GLRA2: variants seen among roughly 807,000 people sequenced by gnomAD.
GLRA2 encodes glycine receptor subunit alpha-2.
A neutral mutation model predicts 31.6 loss-of-function variants in GLRA2; 11 were observed. That is an observed-to-expected ratio of 0.35 (90% CI 0.22 to 0.58). The LOEUF is 0.58. Among genes scored for constraint, GLRA2 ranks in the 20% least tolerant of loss-of-function variants. GLRA2 has a pLI of 0.84. For missense variants in GLRA2, 212 were observed against 351.8 expected, an observed-to-expected ratio of 0.60 and a Z score of 3.18; for synonymous variants, 132 against 134.0, an observed-to-expected ratio of 0.99 and a Z score of 0.10.
At chrX:14,499,268 ATC>A in the GLRA2 span, among the ~76,000 whole-genome samples, 1 of 111,865 alleles carries the variant, frequency 8.9e-6, no homozygotes, top group Non-Finnish European at 1.9e-5. Context: ...TCTCACCAGC[ATC>A]TGTTATTTCC....
intron 7 of GLRA2, among the ~76,000 whole-genome samples, chrX:14,620,736 G>T (rs1190955656): frequency 9.0e-6 from 1 of 111,388 alleles, no homozygotes; most frequent in African/African-American, 3.3e-5. Flanking sequence ...ATTACACATG[G>T]ATTGGTCTCA....
intron 2 of GLRA2, among the ~76,000 whole-genome samples, chrX:14,554,843 G>A (rs1353088471): frequency 9.0e-6 from 1 of 111,451 alleles, no homozygotes; most frequent in Non-Finnish European, 1.9e-5. Flanking sequence ...AACCTCTACA[G>A]GACAGAATTT....
chrX:14,574,507 T>C, intron 3 of GLRA2, 107 bp downstream of exon 3: 1 of 1,204,251 alleles, frequency 8.3e-7, no homozygotes, highest in East Asian at 3.0e-5. Context: ...CCTGTAAATG[T>C]TACCTGCAAC....
chrX:14,625,904 A>C (rs1037635946), intron 7 of GLRA2, among the ~76,000 whole-genome samples: 5 of 111,856 alleles, frequency 4.5e-5, no homozygotes, highest in Non-Finnish European at 9.4e-5. Flanking sequence ...ATAGATGAGG[A>C]TACTAAGGCA....
the GLRA2 span, among the ~76,000 whole-genome samples, chrX:14,487,792 C>A: frequency 8.9e-6 from 1 of 111,853 alleles, no homozygotes; most frequent in East Asian, 2.8e-4. Context: ...GTCTCCCTCC[C>A]ACCTACTTTC....
At chrX:14,599,539 A>G (rs546728101) in intron 4 of GLRA2, among the ~76,000 whole-genome samples, 28 of 112,683 alleles carry the variant, frequency 2.5e-4, no homozygotes, top group African/African-American at 6.8e-4. Context: ...CAATTTCTGC[A>G]TGTCTGTACA....
chrX:14,465,206 G>T, the GLRA2 span, among the ~76,000 whole-genome samples: 7 of 111,639 alleles, frequency 6.3e-5, no homozygotes, highest in East Asian at 2.0e-3. Context: ...AGGTATTTTT[G>T]TAGCTATTGT....
At chrX:14,698,490 C>A (rs1407851080) in intron 8 of GLRA2, among the ~76,000 whole-genome samples, 1 of 108,329 alleles carries the variant, frequency 9.2e-6, no homozygotes, top group African/African-American at 3.4e-5. Context: ...ACCAGCCTGG[C>A]CAACATGTGA....
the GLRA2 span, among the ~76,000 whole-genome samples, chrX:14,450,719 G>GT: frequency 4.9e-4 from 55 of 111,339 alleles, no homozygotes; most frequent in African/African-American, 1.8e-3. Flanking sequence ...GTTTTGTTTT[G>GT]TTTTTTGACA....
At position 14,609,265 on chromosome X, in the gene GLRA2, G is replaced by T. The variant is rs752066596; in HGVS notation, c.930+60G>T. On this transcript the variant is annotated intron_variant, in intron 7 of 8. Coordinates refer to ENST00000218075, the MANE Select transcript of GLRA2 (RefSeq NM_002063.4). The stretch of plus-strand genomic sequence containing the variant: ...AGCTTCCCAAAGGTCTTGTGGGCTG[G>T]AGAGTTCTGTGAGGACAGAAATGTT... 5.5e-4 allele frequency: 422 copies of T among 763,791 alleles called. 1 individual carries two copies. The highest frequency in any genetic ancestry group is 4.5e-3 in the South Asian group (195 of 43,109). 62.9% of individuals were successfully genotyped at this position (763,791 alleles called of 1,213,427 possible).
chrX:14,699,149 ACT>A (rs923557049), intron 8 of GLRA2, among the ~76,000 whole-genome samples: 14 of 111,320 alleles, frequency 1.3e-4, no homozygotes, highest in African/African-American at 4.3e-4. Flanking sequence ...ATGCAATAAA[ACT>A]CTGTTTTAAT....
the GLRA2 span, among the ~76,000 whole-genome samples, chrX:14,467,592 C>T: frequency 8.9e-6 from 1 of 112,132 alleles, no homozygotes; most frequent in Non-Finnish European, 1.9e-5. Flanking sequence ...ACAACAAATA[C>T]TTTATTACCA....
At chrX:14,676,139 A>T (rs2091143709) in intron 7 of GLRA2, among the ~76,000 whole-genome samples, 3 of 112,617 alleles carry the variant, frequency 2.7e-5, no homozygotes, top group Non-Finnish European at 5.6e-5. Context: ...CCACATATAA[A>T]TTAGATAAAA....
chrX:14,613,444 C>T (rs1336683471), intron 7 of GLRA2, among the ~76,000 whole-genome samples: 1 of 111,007 alleles, frequency 9.0e-6, no homozygotes, highest in Non-Finnish European at 1.9e-5. Context: ...TTCAACAAAC[C>T]ATGGATCAAA....
At chrX:14,462,280 A>AT in the GLRA2 span, among the ~76,000 whole-genome samples, 4 of 108,740 alleles carry the variant, frequency 3.7e-5, no homozygotes, top group Non-Finnish European at 5.8e-5. Context: ...TGCCCTTAAC[A>AT]TTTTTTTTTC....
At chrX:14,545,709 G>A (rs1353811527) in intron 2 of GLRA2, among the ~76,000 whole-genome samples, 7 of 111,546 alleles carry the variant, frequency 6.3e-5, no homozygotes, top group Admixed American at 3.8e-4. Context: ...TAGATCCTTT[G>A]CTATCATTTG....
At chrX:14,634,530 C>T (rs2090687749) in intron 7 of GLRA2, among the ~76,000 whole-genome samples, 1 of 111,854 alleles carries the variant, frequency 8.9e-6, no homozygotes, top group African/African-American at 3.2e-5. Context: ...TATTTTTGCA[C>T]TTCTGTTTGT....
At position 14,707,743 on chromosome X, in the gene GLRA2, T is replaced by C. The variant is rs1033399979; in HGVS notation, c.1080+16884T>C. Among the ~76,000 whole-genome samples, 7 of 89,025 alleles carry C rather than the reference T, an allele frequency of 7.9e-5. No homozygotes were observed. In the South Asian group the frequency reaches 3.4e-3, roughly 44 times the overall value. 77.3% of individuals were successfully genotyped at this position (89,025 alleles called of 115,157 possible). A position where few individuals can be genotyped will look rare whatever the true frequency, so the allele number is the denominator to read the frequency against. On this transcript the variant is annotated intron_variant, in intron 8 of 8. Transcript: ENST00000218075. ...GTAATGGAAAATATGTTTTCCTACT[T>C]TGACAGCAAAAAAGGTGTGTGTGTG...
chrX:14,502,695 T>C, the GLRA2 span, among the ~76,000 whole-genome samples: 1 of 111,252 alleles, frequency 9.0e-6, no homozygotes, highest in Admixed American at 9.6e-5. Context: ...ATCTAATATA[T>C]AGTTAATTCA....
Sources: allele counts gnomAD v4.1 joint callset (sites outside exome capture counted in the v4.1 genomes callset), GRCh38; gene constraint gnomAD v4.1.1; transcripts MANE v1.5; gene names NCBI Gene and HGNC (gene_info 2026-07-23, HGNC 2026-07-21).